ITPR2: variants seen among roughly 807,000 people sequenced by gnomAD.
ITPR2 encodes the protein inositol 1,4,5-trisphosphate-gated calcium channel ITPR2.
A neutral mutation model predicts 317.1 loss-of-function variants in ITPR2; 207 were observed. The observed-to-expected ratio is 0.65, with a 90% CI of 0.58 to 0.73. The LOEUF (loss-of-function observed/expected upper bound fraction) is 0.73, where lower values mean the gene tolerates loss of function less well. Among genes scored for constraint, ITPR2 ranks in the 30% least tolerant of loss-of-function variants. ITPR2 has a pLI of 0.00. For missense variants in ITPR2, 2,613 were observed against 3,284.0 expected (o/e 0.80, Z 4.99); for synonymous variants, 1,156 against 1,149.1 (o/e 1.01, Z -0.12).
intron 1 of ITPR2, among the ~76,000 whole-genome samples, chr12:26,813,046 G>C (rs1299673154): frequency 2.0e-5 from 3 of 152,114 alleles, no homozygotes; most frequent in African/African-American, 7.2e-5. Context: ...AATGCAAAAA[G>C]CTTACTTTGA....
At chr12:26,549,039 GA>G (rs1283742862) in intron 37 of ITPR2, among the ~76,000 whole-genome samples, 1 of 152,124 alleles carries the variant, frequency 6.6e-6, no homozygotes, top group Non-Finnish European at 1.5e-5. Context: ...GCCAGAAAAG[GA>G]TATTGACCTC....
intron 49 of ITPR2, among the ~76,000 whole-genome samples, chr12:26,422,548 C>G (rs1376678174): frequency 6.6e-6 from 1 of 152,130 alleles, no homozygotes; most frequent in Non-Finnish European, 1.5e-5. Flanking sequence ...ACTTTGTTTT[C>G]TCACATATAA....
At chr12:26,567,964 ATATATT>A (rs1945026469) in intron 34 of ITPR2, among the ~76,000 whole-genome samples, 2 of 19,994 alleles carry the variant, frequency 1.0e-4, no homozygotes, top group African/African-American at 1.7e-4. Context: ...ATATATATAT[ATATATT>A]ATATATATTA....
intron 55 of ITPR2, among the ~76,000 whole-genome samples, chr12:26,363,124 C>G (rs1938892312): frequency 6.6e-6 from 1 of 152,162 alleles, no homozygotes. Flanking sequence ...TACCCCATCG[C>G]CTGCATTACC....
chr12:26,371,329 A>T (rs1465261396), intron 55 of ITPR2, among the ~76,000 whole-genome samples: 1 of 152,238 alleles, frequency 6.6e-6, no homozygotes, highest in South Asian at 2.1e-4. Context: ...AAAGGACCTT[A>T]GAGATCAATT....
rs747138045 is a variant in ITPR2 at position 26,428,070 on chromosome 12, A to T, written c.6788T>A (p.Phe2263Tyr). 3 of 1,602,012 alleles carry T rather than the reference A, an allele frequency of 1.9e-6. No homozygotes were observed. Among genetic ancestry groups the T allele is most frequent in the Non-Finnish European group, 2.6e-6 (3 of 1,176,186 alleles). ...DGDEGTLSPL[F>Y]SVLLWIAVAI... ...AACTGCTATCCAAAGAAGAACCGAG[A>T]ACAATGGAGAAAGTGTACCTGTAAA... is the stretch of plus-strand genomic sequence containing the variant. The change falls in exon 49 of 57, where the codon TTC becomes TAC. Residue 2263 changes from phenylalanine to tyrosine, a missense_variant. By Grantham distance (22) the Phe-to-Tyr change is conservative. This residue lies in a region of ITPR2 where 926 missense variants were observed against 1,072.8 expected (regional missense o/e 0.86). Transcript: ENST00000381340.
intron 45 of ITPR2, among the ~76,000 whole-genome samples, chr12:26,467,665 G>T (rs374481845): frequency 2.6e-4 from 39 of 152,156 alleles, no homozygotes; most frequent in African/African-American, 9.2e-4. Flanking sequence ...AAATAAATAC[G>T]TAACTAACAA....
chr12:26,691,214 T>G (rs761108145), intron 10 of ITPR2, among the ~76,000 whole-genome samples: 13 of 152,214 alleles, frequency 8.5e-5, no homozygotes, highest in Non-Finnish European at 1.5e-4. Flanking sequence ...TAATGTATGA[T>G]TCAAGCCTCA....
chr12:26,568,900 A>C (rs1380513836), intron 34 of ITPR2, among the ~76,000 whole-genome samples: 1 of 152,204 alleles, frequency 6.6e-6, no homozygotes, highest in Non-Finnish European at 1.5e-5. Flanking sequence ...CCTGTTTGGC[A>C]CTCAAATTAT....
At chr12:26,579,062 A>G (rs1428615052) in intron 33 of ITPR2, among the ~76,000 whole-genome samples, 1 of 152,214 alleles carries the variant, frequency 6.6e-6, no homozygotes, top group African/African-American at 2.4e-5. Flanking sequence ...TTTTAATTAT[A>G]TTCTTAATCA....
chr12:26,506,896 C>A (rs1415413517), intron 37 of ITPR2, among the ~76,000 whole-genome samples: 1 of 152,180 alleles, frequency 6.6e-6, no homozygotes, highest in African/African-American at 2.4e-5. Flanking sequence ...TGAAGAGATA[C>A]AAATTCACTA....
intron 39 of ITPR2, among the ~76,000 whole-genome samples, chr12:26,489,894 G>A (rs181340968): frequency 3.3e-5 from 5 of 152,298 alleles, no homozygotes; most frequent in Admixed American, 3.3e-4. Context: ...CATGGAACTG[G>A]CAAGTGTCTT....
intron 2 of ITPR2, among the ~76,000 whole-genome samples, chr12:26,767,358 A>G (rs1334803784): frequency 6.6e-6 from 1 of 152,186 alleles, no homozygotes; most frequent in Non-Finnish European, 1.5e-5. Flanking sequence ...AAATAAATAA[A>G]GTTCTGAGCC....
At chr12:26,486,958 TG>T in intron 40 of ITPR2, 109 bp downstream of exon 40, 2 of 1,107,920 alleles carry the variant, frequency 1.8e-6, no homozygotes, top group Non-Finnish European at 1.4e-6. Context: ...AGAGCCACAG[TG>T]GGGATAATTA....
Position 26,556,144 on chromosome 12 carries a change from C to G in ITPR2, c.4964+89G>C, listed in dbSNP as rs1944655655. The G allele has an allele frequency of 3.1e-6, 4 of 1,287,770 alleles. No homozygotes were observed. The South Asian group carries it at 6.8e-5, about 22-fold the overall frequency. 79.8% of individuals were successfully genotyped at this position (1,287,770 alleles called of 1,614,324 possible). ...ACCTTTCGCATACTTTGCGGACTGT[C>G]ATTTTATATCAGTGAAGTATAAAGC... is the stretch of plus-strand genomic sequence containing the variant. On this transcript the variant is annotated intron_variant, in intron 36 of 56. Transcript: ENST00000381340.
chr12:26,659,576 TTAAAG>T (rs1259601361), intron 15 of ITPR2, among the ~76,000 whole-genome samples: 1 of 152,208 alleles, frequency 6.6e-6, no homozygotes, highest in Non-Finnish European at 1.5e-5. Context: ...ATAAATCTAA[TTAAAG>T]TAAGTTTTTA....
At chr12:26,671,584 G>A (rs4495969) in intron 13 of ITPR2, among the ~76,000 whole-genome samples, 30,619 of 150,570 alleles carry the variant, frequency 0.2, 3,856 homozygotes, top group East Asian at 0.55. Context: ...GGTACCAGCC[G>A]CTGCAAAATC....
chr12:26,749,278 C>T (rs1592094004), intron 2 of ITPR2, among the ~76,000 whole-genome samples: 3 of 152,292 alleles, frequency 2.0e-5, no homozygotes, highest in East Asian at 1.9e-4. Flanking sequence ...AACAACCACT[C>T]GGACATATGA....
intron 21 of ITPR2, among the ~76,000 whole-genome samples, chr12:26,648,490 A>G (rs1262682013): frequency 6.6e-6 from 1 of 151,704 alleles, no homozygotes; most frequent in Non-Finnish European, 1.5e-5. Flanking sequence ...ATCTAGCAAC[A>G]ATGTTTATAA....
Sources: allele counts gnomAD v4.1 joint callset (sites outside exome capture counted in the v4.1 genomes callset), GRCh38; gene constraint gnomAD v4.1.1; regional missense constraint gnomAD v4.1.1; transcripts MANE v1.5; gene names NCBI Gene and HGNC (gene_info 2026-07-23, HGNC 2026-07-21).